Variants in OLA1 observed in about 807,000 individuals in gnomAD.
OLA1 encodes Obg like ATPase 1.
Under a neutral mutation model 48.4 loss-of-function variants are expected in OLA1, and 14 were observed. The ratio of observed to expected loss-of-function variants is 0.29; its 90% CI spans 0.19 to 0.45. OLA1 has a LOEUF of 0.45. OLA1 is among the 20% of genes least tolerant of loss of function. The pLI is 1.00. For synonymous variants in OLA1, 127 were observed against 150.4 expected (o/e 0.84, Z 1.14); for missense variants, 325 against 467.1 (o/e 0.70, Z 2.80).
intron 4 of OLA1, among the ~76,000 whole-genome samples, chr2:174,189,085 C>T (rs1466807812): frequency 6.6e-6 from 1 of 152,000 alleles, no homozygotes; most frequent in Non-Finnish European, 1.5e-5. Flanking sequence ...ATAAAAGCAG[C>T]TCAAATCCAT....
intron 4 of OLA1, among the ~76,000 whole-genome samples, chr2:174,213,131 T>C (rs1688281177): frequency 6.6e-6 from 1 of 152,144 alleles, no homozygotes. Context: ...ACATGCAAAC[T>C]TAGCTGAAAA....
intron 4 of OLA1, among the ~76,000 whole-genome samples, chr2:174,214,074 T>G (rs903615143): frequency 2.0e-5 from 3 of 151,816 alleles, no homozygotes; most frequent in African/African-American, 7.3e-5. Flanking sequence ...ACCTCACGCC[T>G]GTAATCCCAG....
At chr2:174,087,059 G>C (rs1042930718) in intron 7 of OLA1, among the ~76,000 whole-genome samples, 1 of 146,560 alleles carries the variant, frequency 6.8e-6, no homozygotes, top group African/African-American at 2.5e-5. Context: ...ACAAAGTCTC[G>C]CTCTGTCGCC....
chr2:174,132,030 C>T (rs565110512), intron 5 of OLA1, among the ~76,000 whole-genome samples: 2 of 151,986 alleles, frequency 1.3e-5, no homozygotes, highest in African/African-American at 2.4e-5. Context: ...ATTATGAGTT[C>T]GATTTCTTTG....
intron 10 of OLA1, among the ~76,000 whole-genome samples, chr2:174,076,168 C>T (rs1684732267): frequency 6.6e-6 from 1 of 152,134 alleles, no homozygotes; most frequent in Non-Finnish European, 1.5e-5. Context: ...ATATTTCTTC[C>T]ACTTGTAAAT....
At chr2:174,158,042 T>G (rs1686926798) in intron 4 of OLA1, among the ~76,000 whole-genome samples, 2 of 152,224 alleles carry the variant, frequency 1.3e-5, no homozygotes, top group African/African-American at 2.4e-5. Flanking sequence ...TCAATACTTT[T>G]CTGATGTAAC....
chr2:174,087,056 C>T (rs1398238224), intron 7 of OLA1, among the ~76,000 whole-genome samples: 11 of 147,236 alleles, frequency 7.5e-5, no homozygotes, highest in Admixed American at 2.1e-4. Flanking sequence ...GAGACAAAGT[C>T]TCGCTCTGTC....
chr2:174,243,888 C>A (rs1689068003), intron 2 of OLA1, among the ~76,000 whole-genome samples: 1 of 152,188 alleles, frequency 6.6e-6, no homozygotes, highest in South Asian at 2.1e-4. Flanking sequence ...AATGTCCTTA[C>A]TTTTGATCAG....
At chr2:174,118,353 A>T (rs796793640) in intron 7 of OLA1, among the ~76,000 whole-genome samples, 6 of 152,322 alleles carry the variant, frequency 3.9e-5, no homozygotes, top group African/African-American at 1.2e-4. Context: ...TCTCTAGTGC[A>T]GATTTTTAAG....
chr2:174,167,754 T>G (rs1687199728), intron 4 of OLA1, among the ~76,000 whole-genome samples: 1 of 152,156 alleles, frequency 6.6e-6, no homozygotes, highest in Non-Finnish European at 1.5e-5. Flanking sequence ...TCACAAATAT[T>G]TTTTCCTTAA....
chr2:174,133,071 A>G (rs1686220093), intron 5 of OLA1, among the ~76,000 whole-genome samples: 1 of 152,204 alleles, frequency 6.6e-6, no homozygotes. Flanking sequence ...AACATTTGGC[A>G]TTATGAAATG....
chr2:174,159,358 A>T (rs1431609974), intron 4 of OLA1, among the ~76,000 whole-genome samples: 1 of 152,210 alleles, frequency 6.6e-6, no homozygotes, highest in African/African-American at 2.4e-5. Flanking sequence ...TTTCTTTAAA[A>T]TAAGGATATT....
intron 4 of OLA1, among the ~76,000 whole-genome samples, chr2:174,219,423 C>CTTTTTTTT (rs372577919): frequency 2.6e-4 from 25 of 94,924 alleles, no homozygotes; most frequent in African/African-American, 3.5e-4. Flanking sequence ...TTTTATTTCC[C>CTTTTTTTT]TTTTTTTTTT....
chr2:174,240,863 A>G (rs1688983266), intron 2 of OLA1, among the ~76,000 whole-genome samples: 1 of 152,200 alleles, frequency 6.6e-6, no homozygotes, highest in African/African-American at 2.4e-5. Flanking sequence ...ACTTCTAGGA[A>G]CACATAGACA....
chr2:174,199,690 C>A (rs1325802358), intron 4 of OLA1, among the ~76,000 whole-genome samples: 1 of 152,036 alleles, frequency 6.6e-6, no homozygotes, highest in Non-Finnish European at 1.5e-5. Flanking sequence ...GTAAAAGAGT[C>A]ACTCAAAGTA....
intron 5 of OLA1, among the ~76,000 whole-genome samples, chr2:174,129,259 C>T (rs533164788): frequency 9.5e-4 from 145 of 152,122 alleles, no homozygotes; most frequent in Non-Finnish European, 1.9e-3. Flanking sequence ...GAGATCGATA[C>T]CATCCTGGCT....
intron 5 of OLA1, among the ~76,000 whole-genome samples, chr2:174,128,204 G>A (rs1401362729): frequency 6.6e-6 from 1 of 151,540 alleles, no homozygotes; most frequent in African/African-American, 2.4e-5. Flanking sequence ...ACCGTCTTGG[G>A]CAACATAGTG....
intron 7 of OLA1, among the ~76,000 whole-genome samples, chr2:174,099,933 T>G (rs1331352254): frequency 2.0e-5 from 3 of 152,192 alleles, no homozygotes; most frequent in Non-Finnish European, 2.9e-5. Flanking sequence ...TCCATTGTAA[T>G]CAAAGAAATA....
chr2:174,202,277 T>C (rs1688007032), intron 4 of OLA1, among the ~76,000 whole-genome samples: 1 of 152,208 alleles, frequency 6.6e-6, no homozygotes, highest in Admixed American at 6.5e-5. Flanking sequence ...AGATGCAGTA[T>C]GAAATCATAA....
Sources: gnomAD v4.1 joint callset for allele counts (sites outside exome capture counted in the v4.1 genomes callset) on GRCh38, gnomAD v4.1.1 for gene constraint, MANE v1.5 for transcripts, NCBI Gene and HGNC (gene_info 2026-07-23, HGNC 2026-07-21) for gene names.